Variants in PRKD1 observed in about 807,000 individuals in gnomAD.
PRKD1 encodes serine/threonine-protein kinase D1.
Under a neutral mutation model 95.9 loss-of-function variants are expected in PRKD1, and 63 were observed. That is an observed-to-expected ratio of 0.66 (90% CI 0.54 to 0.81). The LOEUF is 0.81. Among genes scored for constraint, PRKD1 ranks in the 30% least tolerant of loss-of-function variants. The probability of loss-of-function intolerance (pLI) is 0.00; values close to 1 mark genes in which losing one functional copy is unlikely to be tolerated. For synonymous variants in PRKD1, 425 were observed against 423.1 expected, an observed-to-expected ratio of 1.00 and a Z score of -0.05; for missense variants, 1,048 against 1,165.3, an observed-to-expected ratio of 0.90 and a Z score of 1.47.
At chr14:29,691,626 T>TAGGTTGGTGCAAAAGTAATC in intron 2 of PRKD1, among the ~76,000 whole-genome samples, 1 of 152,114 alleles carries the variant, frequency 6.6e-6, no homozygotes, top group Admixed American at 6.6e-5. Flanking sequence ...CAAAAGTTAT[T>TAGGTTGGTGCAAAAGTAATC]AGGTTGGTGC....
intron 3 of PRKD1, 136 bp from the exon 4 acceptor site, chr14:29,663,995 T>A: frequency 6.3e-6 from 6 of 952,548 alleles, no homozygotes; most frequent in Non-Finnish European, 9.1e-6. Context: ...CACATTTTCT[T>A]TTGAACATTC....
chr14:29,826,678 T>TATATATACACATATATATATACAC (rs1891146349), intron 1 of PRKD1, among the ~76,000 whole-genome samples: 2 of 71,208 alleles, frequency 2.8e-5, no homozygotes, highest in South Asian at 4.5e-4. Flanking sequence ...TATGTGTATA[T>TATATATACACATATATATATACAC]ATATATACAC....
chr14:29,694,620 T>G (rs1884413604), intron 2 of PRKD1, among the ~76,000 whole-genome samples: 1 of 152,068 alleles, frequency 6.6e-6, no homozygotes. Flanking sequence ...ATAAAATAGA[T>G]TAATAAATCA....
At chr14:29,619,210 C>A (rs749963917) in intron 13 of PRKD1, among the ~76,000 whole-genome samples, 2 of 151,942 alleles carry the variant, frequency 1.3e-5, no homozygotes, top group Admixed American at 6.6e-5. Context: ...TGCAAGCCAA[C>A]CCCACTGCCA....
chr14:29,816,927 G>A (rs555182461), intron 1 of PRKD1, among the ~76,000 whole-genome samples: 1 of 152,088 alleles, frequency 6.6e-6, no homozygotes, highest in East Asian at 1.9e-4. Context: ...ATCTATATTT[G>A]CAGTATTTAG....
chr14:29,671,636 G>T (rs553666085), intron 2 of PRKD1, among the ~76,000 whole-genome samples: 5 of 151,982 alleles, frequency 3.3e-5, no homozygotes, highest in Non-Finnish European at 7.4e-5. Flanking sequence ...ATATCAAGAA[G>T]AAAACAAAGT....
chr14:29,763,218 G>C (rs1011541552), intron 1 of PRKD1, among the ~76,000 whole-genome samples: 16 of 149,452 alleles, frequency 1.1e-4, no homozygotes, highest in Admixed American at 6.7e-4. Context: ...AAACGGTTGA[G>C]CCCAAGAGGT....
intron 2 of PRKD1, among the ~76,000 whole-genome samples, chr14:29,712,034 T>C (rs903780066): frequency 2.0e-5 from 3 of 152,130 alleles, no homozygotes; most frequent in Non-Finnish European, 4.4e-5. Flanking sequence ...AGCAAAGCAA[T>C]TGCAAACTAT....
At chr14:29,577,505 C>A (rs766055812) in intron 17 of PRKD1, 49 bp from the exon 18 acceptor site, 5 of 1,519,164 alleles carry the variant, frequency 3.3e-6, no homozygotes, top group African/African-American at 1.4e-5. Flanking sequence ...TACAACTCAA[C>A]ATACTGTTTC....
intron 2 of PRKD1, among the ~76,000 whole-genome samples, chr14:29,716,164 A>T (rs887982383): frequency 6.6e-6 from 1 of 152,146 alleles, no homozygotes; most frequent in African/African-American, 2.4e-5. Context: ...GGTGACAGTT[A>T]TAATACTGTC....
intron 16 of PRKD1, chr14:29,591,282 T>C (rs552834194): frequency 3.9e-5 from 6 of 152,168 alleles, no homozygotes; most frequent in Non-Finnish European, 7.3e-5. Context: ...TGTCCTGATA[T>C]TGTATATCTG....
intron 11 of PRKD1, 112 bp downstream of exon 11, chr14:29,628,929 T>G (rs1399075965): frequency 1.4e-5 from 9 of 660,872 alleles, no homozygotes; most frequent in Non-Finnish European, 2.1e-5. Flanking sequence ...AATTCTATTT[T>G]GCTTTCCAAA....
At chr14:29,727,553 T>C (rs1433018245) in intron 1 of PRKD1, among the ~76,000 whole-genome samples, 2 of 151,262 alleles carry the variant, frequency 1.3e-5, no homozygotes, top group Non-Finnish European at 1.5e-5. Flanking sequence ...CTTTAATCCA[T>C]CTTGAATTGA....
intron 1 of PRKD1, among the ~76,000 whole-genome samples, chr14:29,910,289 G>A (rs138298821): frequency 0.01 from 1,596 of 152,120 alleles, 23 homozygotes; most frequent in African/African-American, 0.036. Flanking sequence ...CACTCACCGC[G>A]AAGGTCTGCA....
At chr14:29,787,920 C>G (rs2139186156) in intron 1 of PRKD1, among the ~76,000 whole-genome samples, 1 of 152,178 alleles carries the variant, frequency 6.6e-6, no homozygotes, top group East Asian at 1.9e-4. Context: ...CTTTATTCCT[C>G]TTTCATTGTT....
At chr14:29,746,533 C>T (rs1045136726) in intron 1 of PRKD1, among the ~76,000 whole-genome samples, 33 of 144,664 alleles carry the variant, frequency 2.3e-4, no homozygotes, top group South Asian at 1.1e-3. Flanking sequence ...TACATATATA[C>T]ACACACACAC....
At chr14:29,595,239 A>G (rs45457397) in intron 16 of PRKD1, among the ~76,000 whole-genome samples, 2 of 152,134 alleles carry the variant, frequency 1.3e-5, no homozygotes, top group African/African-American at 4.8e-5. Flanking sequence ...ATTATCCTGT[A>G]TAATTCCCTC....
At chr14:29,706,254 T>C (rs796282067) in intron 2 of PRKD1, among the ~76,000 whole-genome samples, 4 of 152,288 alleles carry the variant, frequency 2.6e-5, no homozygotes, top group African/African-American at 9.6e-5. Flanking sequence ...TTTGGATAAA[T>C]GTCTATTCAA....
chr14:29,897,225 T>G (rs959417154), intron 1 of PRKD1, among the ~76,000 whole-genome samples: 4 of 152,154 alleles, frequency 2.6e-5, no homozygotes, highest in Admixed American at 6.6e-5. Context: ...CATTTTAATC[T>G]GCAAAATCTT....
Sources: gnomAD v4.1 joint callset for allele counts (sites outside exome capture counted in the v4.1 genomes callset) on GRCh38, gnomAD v4.1.1 for gene constraint, MANE v1.5 for transcripts, NCBI Gene and HGNC (gene_info 2026-07-23, HGNC 2026-07-21) for gene names.